Variants in ARHGAP30 observed in about 807,000 individuals in gnomAD.
The protein encoded by ARHGAP30 is rho GTPase-activating protein 30.
ARHGAP30 carries 23 observed loss-of-function variants against 72.0 expected under a neutral mutation model. The observed-to-expected ratio is 0.32, with a 90% CI of 0.23 to 0.45. The LOEUF (loss-of-function observed/expected upper bound fraction) is 0.45. ARHGAP30 is among the 20% of genes least tolerant of loss of function. The pLI is 1.00. For missense variants in ARHGAP30, 1,319 were observed against 1,383.4 expected (o/e 0.95, Z 0.74); for synonymous variants, 576 against 528.2 (o/e 1.09, Z -1.24).
intron 1 of ARHGAP30, among the ~76,000 whole-genome samples, chr1:161,060,787 C>T (rs1328159995): frequency 6.7e-6 from 1 of 149,824 alleles, no homozygotes; most frequent in Non-Finnish European, 1.5e-5. Flanking sequence ...CTGCAACCTC[C>T]GCCTCCCGGG....
Position 161,056,445 on chromosome 1 carries a change from G to A in ARHGAP30, c.288C>T (p.Ala96=). The A allele has an allele frequency of 1.2e-6, 2 of 1,614,020 alleles. No homozygotes were observed. Among genetic ancestry groups the A allele is most frequent in the Non-Finnish European group, 1.7e-6 (2 of 1,179,960 alleles). The part of the protein sequence containing the change: ...DIHCVSSLCK[A]YFRELPDPLL... ...GGGGATCCGGCAGTTCTCTGAAATAGGCCTTGCACAGGGAGGAGACGCAGT... is the reference window on the plus strand; with the variant it reads ...GGGGATCCGGCAGTTCTCTGAAATAAGCCTTGCACAGGGAGGAGACGCAGT... Residue 96 remains alanine, a synonymous_variant, in exon 3 of 12, where the codon GCC becomes GCT. Transcript: ENST00000368013.
At chr1:161,062,085 C>T (rs1019908346) in intron 1 of ARHGAP30, among the ~76,000 whole-genome samples, 11 of 152,094 alleles carry the variant, frequency 7.2e-5, no homozygotes, top group African/African-American at 2.4e-4. Context: ...AAGACTCGGT[C>T]TTTAAAAACA....
chr1:161,052,144 A>G (rs1276346620), intron 9 of ARHGAP30, 142 bp downstream of exon 9: 5 of 873,148 alleles, frequency 5.7e-6, no homozygotes, highest in Middle Eastern at 3.3e-4. Flanking sequence ...ATTCAGCTAC[A>G]TTTACAATGT....
At position 161,048,758 on chromosome 1, in the gene ARHGAP30, CCTCTT is replaced by C; in HGVS notation, c.2258_2262del (p.Glu753GlyfsTer2). The C allele has an allele frequency of 6.2e-7, 1 of 1,613,984 alleles. No homozygotes were observed. The highest frequency in any genetic ancestry group is 8.5e-7 in the Non-Finnish European group (1 of 1,180,008). ...ACCTGGGCTTCCTCTCTTTGTTCAT[CCTCTT>C]CTCTCTCAATTTCTTTTTCCTTCTC... On this transcript the variant is annotated frameshift_variant, in exon 12 of 12. Coordinates refer to ENST00000368013, the MANE Select transcript of ARHGAP30 (RefSeq NM_001025598.2). LOFTEE classifies it low-confidence loss of function (END_TRUNC).
Position 161,052,621 on chromosome 1 carries a change from C to A in ARHGAP30, c.836+5G>T. ...GGGGAGGAAGGCCCAGGAAGGAGGCCTTACTTGTGCTCTGCAATCTCGATG... is the reference window on the plus strand; with the variant it reads ...GGGGAGGAAGGCCCAGGAAGGAGGCATTACTTGTGCTCTGCAATCTCGATG... On this transcript the variant is annotated splice_donor_5th_base_variant and intron_variant, in intron 7 of 11. Transcript: ENST00000368013. The A allele has an allele frequency of 6.2e-7, 1 of 1,613,790 alleles. No homozygotes were observed. The highest frequency in any genetic ancestry group is 8.5e-7 in the Non-Finnish European group (1 of 1,179,836).
intron 3 of ARHGAP30, among the ~76,000 whole-genome samples, chr1:161,056,042 A>T (rs187781524): frequency 4.6e-5 from 7 of 152,216 alleles, no homozygotes; most frequent in Admixed American, 2.0e-4. Flanking sequence ...TGATTCTCTT[A>T]AGTGTAGGGA....
chr1:161,056,581 G>C (rs760749437), intron 2 of ARHGAP30, 49 bp from the exon 3 acceptor site: 1 of 1,584,852 alleles, frequency 6.3e-7, no homozygotes, highest in African/African-American at 1.3e-5. Flanking sequence ...GGGTGATGTG[G>C]GGAGAGGTGG....
chr1:161,053,019 G>T, intron 6 of ARHGAP30: 1 of 827,274 alleles, frequency 1.2e-6, no homozygotes, highest in East Asian at 2.7e-5. Flanking sequence ...GTGGATATGA[G>T]CCATCACTAG....
rs149276784 is a variant in ARHGAP30 at position 161,049,249 on chromosome 1, A to G, written c.1772T>C (p.Leu591Pro). 1.4e-3 allele frequency: 2,289 copies of G among 1,614,102 alleles called. 3 individuals are homozygous for G. Among genetic ancestry groups the G allele is most frequent in the Non-Finnish European group, 1.8e-3 (2,128 of 1,180,004 alleles). Reference protein sequence around the residue: ...QFVLAPSCCSLDSAGPRPEVE... With the variant: ...QFVLAPSCCSPDSAGPRPEVE... ...TTCAGGCCTGGGGCCAGCGGAGTCC[A>G]GGGAACAGCAGCTGGGGGCCAAGAC... Residue 591 changes from leucine to proline, a missense_variant, in exon 12 of 12, where the codon CTG (leucine) becomes CCG (proline). Physicochemically the swap from Leu to Pro is moderately conservative, Grantham distance 98 (BLOSUM62 -3). This residue lies in a region of ARHGAP30 where 1,097 missense variants were observed against 1,045.2 expected (regional missense o/e 1.05). Transcript: ENST00000368013.
chr1:161,059,277 C>T (rs1420930634), intron 2 of ARHGAP30, among the ~76,000 whole-genome samples: 3 of 151,844 alleles, frequency 2.0e-5, no homozygotes, highest in African/African-American at 2.4e-5. Flanking sequence ...GATCCACCCA[C>T]TTCAGCCTCC....
rs754279390 is a variant in ARHGAP30 at position 161,051,634 on chromosome 1, G to C, written c.1100C>G (p.Ala367Gly). Residue 367 changes from alanine (A) to glycine (G), a missense_variant, in exon 10 of 12, where the codon GCA becomes GGA. Transcript: ENST00000368013. ...CTCAGGCTCCTGTTCACCCTCTGCT[G>C]CCTCTATAGAATCGTTCTCCAAGCT... The part of the protein sequence containing the change: ...PESLENDSIE[A>G]AEGEQEPEAE... 6.2e-7 allele frequency: 1 copy of C among 1,613,232 alleles called. No homozygotes were observed.
At chr1:161,063,751 A>G (rs964590460) in intron 1 of ARHGAP30, among the ~76,000 whole-genome samples, 8 of 152,204 alleles carry the variant, frequency 5.3e-5, no homozygotes, top group Admixed American at 4.6e-4. Context: ...TTTTCTCAGC[A>G]TGGGATATCC....
chr1:161,058,626 C>G (rs1202045573), intron 2 of ARHGAP30, among the ~76,000 whole-genome samples: 2 of 87,062 alleles, frequency 2.3e-5, no homozygotes, highest in Non-Finnish European at 4.8e-5. Context: ...GACTCTGTCT[C>G]AAAAAAAAAA....
chr1:161,069,730 A>AG lies in ARHGAP30; in HGVS notation c.-107dup, dbSNP rs1653036627. On this transcript the variant is annotated 5_prime_UTR_variant, in exon 1 of 12. Transcript: ENST00000368013. This position sits in a 1 kb window ranked among gnomAD's most constrained non-coding sequence, Gnocchi z 4.9. ...CAGCTGCTGGGCTTGGCCCGGCCCC[A>AG]GGGGGGCAGGGCTCCCAATTGGGGG... 5 of 1,248,960 alleles carry AG rather than the reference A, an allele frequency of 4.0e-6. No individual in the cohort carries two copies. The highest frequency in any genetic ancestry group is 5.6e-6 in the Non-Finnish European group (5 of 885,816). 77.4% of individuals were successfully genotyped at this position (1,248,960 alleles called of 1,614,324 possible).
intron 3 of ARHGAP30, among the ~76,000 whole-genome samples, chr1:161,055,607 T>A (rs1651760348): frequency 6.6e-6 from 1 of 151,612 alleles, no homozygotes; most frequent in South Asian, 2.1e-4. Flanking sequence ...CTGGCCAACA[T>A]GGTGAAACCC....
chr1:161,064,841 GAAAGAA>G (rs1557935531), intron 1 of ARHGAP30, among the ~76,000 whole-genome samples: 36 of 107,900 alleles, frequency 3.3e-4, no homozygotes, highest in African/African-American at 1.2e-3. Context: ...GAGAAAGAAA[GAAAGAA>G]AGGAAAGGAA....
At chr1:161,059,582 G>A (rs1189763295) in intron 2 of ARHGAP30, 32 bp downstream of exon 2, 2 of 1,573,692 alleles carry the variant, frequency 1.3e-6, no homozygotes, top group Non-Finnish European at 1.7e-6. Context: ...TGGCCTCCTG[G>A]TCACAGAGCC....
At position 161,047,759 on chromosome 1, in the gene ARHGAP30, C is replaced by G; in HGVS notation, c.3262G>C (p.Ala1088Pro). 6.4e-7 allele frequency: 1 copy of G among 1,554,658 alleles called. No homozygotes were observed. Among genetic ancestry groups the G allele is most frequent in the Non-Finnish European group, 8.7e-7 (1 of 1,154,514 alleles). ...PLLSSQRRSY[A>P]FETQANPGKG... ...CCAGGGTTAGCCTGTGTTTCAAATGCATATGACCTGCGCTGAGAGGACAAC... is the reference window on the plus strand; with the variant it reads ...CCAGGGTTAGCCTGTGTTTCAAATGGATATGACCTGCGCTGAGAGGACAAC... Residue 1088 changes from alanine (A) to proline (P), a missense_variant, in exon 12 of 12, where the codon GCA becomes CCA. Physicochemically the swap from Ala to Pro is conservative, Grantham distance 27. Transcript: ENST00000368013.
At chr1:161,049,905 A>G (rs1218216869) in intron 10 of ARHGAP30, among the ~76,000 whole-genome samples, 1 of 152,196 alleles carries the variant, frequency 6.6e-6, no homozygotes, top group Non-Finnish European at 1.5e-5. Flanking sequence ...TTTACAATGC[A>G]TTGGCATTTT....
Sources: gnomAD v4.1 joint callset for allele counts (sites outside exome capture counted in the v4.1 genomes callset) on GRCh38, gnomAD v4.1.1 for gene constraint, gnomAD v4.1.1 regional missense constraint, Gnocchi (gnomAD v3.1) non-coding constraint, MANE v1.5 for transcripts, NCBI Gene and HGNC (gene_info 2026-07-23, HGNC 2026-07-21) for gene names.